Variants in ZFR observed in about 807,000 individuals in gnomAD.
The protein encoded by ZFR is zinc finger RNA-binding protein.
In ZFR, 19 loss-of-function variants were observed where a neutral mutation model predicts 130.7. The ratio of observed to expected loss-of-function variants is 0.15; its 90% CI spans 0.10 to 0.21. ZFR has a LOEUF of 0.21. Among genes scored for constraint, ZFR ranks in the 10% least tolerant of loss-of-function variants. ZFR has a pLI of 1.00. For synonymous variants in ZFR, 466 were observed against 456.9 expected (o/e 1.02, Z -0.25); for missense variants, 872 against 1,321.5 (o/e 0.66, Z 5.27).
In ZFR at chr5:32,361,567, A is replaced by G. The variant is rs1449396607; in HGVS notation, c.3045+2381T>C. Among the ~76,000 whole-genome samples the G allele has an allele frequency of 5.3e-5, 8 of 152,020 alleles. No individual in the cohort carries two copies. The East Asian group carries it at 1.5e-3, about 29-fold the overall frequency. On this transcript the variant is annotated intron_variant, in intron 19 of 19. Transcript: ENST00000265069. ...AAAGATATCTCATATATAATAATGA[A>G]TATTTATACATTTTTACCACAGAGA...
rs1262040358 is a variant in ZFR at position 32,388,597 on chromosome 5, C to T, written c.2220G>A (p.Glu740=). 6.2e-7 allele frequency: 1 copy of T among 1,613,888 alleles called. No homozygotes were observed. Among genetic ancestry groups the T allele is most frequent in the Non-Finnish European group, 8.5e-7 (1 of 1,179,946 alleles). The change falls in exon 13 of 20, where the codon GAG becomes GAA. Residue 740 remains glutamate (E), a synonymous_variant. Coordinates refer to ENST00000265069, the MANE Select transcript of ZFR (RefSeq NM_016107.5). Reference sequence around the variant, plus strand: ...AAACAATTTTCTGAACTGCCTGTAACTCCTCTTCAGTTGGATAAATGGTGG... The same window carrying T: ...AAACAATTTTCTGAACTGCCTGTAATTCCTCTTCAGTTGGATAAATGGTGG... ...KHATIYPTEE[E]LQAVQKIVSI...
intron 4 of ZFR, among the ~76,000 whole-genome samples, chr5:32,415,705 G>A (rs1390570282): frequency 1.3e-5 from 2 of 151,992 alleles, no homozygotes; most frequent in African/African-American, 4.8e-5. Flanking sequence ...AATCTAACAA[G>A]GTACTACATA....
chr5:32,369,110 G>A (rs1430480814), intron 17 of ZFR, among the ~76,000 whole-genome samples: 1 of 152,166 alleles, frequency 6.6e-6, no homozygotes, highest in Non-Finnish European at 1.5e-5. Context: ...TTTACTTACA[G>A]CTTTTAGTGA....
intron 12 of ZFR, among the ~76,000 whole-genome samples, chr5:32,389,465 T>G (rs1450702131): frequency 6.6e-6 from 1 of 152,208 alleles, no homozygotes; most frequent in Non-Finnish European, 1.5e-5. Flanking sequence ...ATTATAGGCA[T>G]GAGCCACTGC....
In ZFR at chr5:32,390,331, G is replaced by A; in HGVS notation, c.2086C>T (p.Pro696Ser). Reference protein sequence around the residue: ...DGGYPHGPPGPLGLLGVRPGM... With the variant: ...DGGYPHGPPGSLGLLGVRPGM... ...GGTCGGACTCCCAGAAGGCCTAATG[G>A]GCCTGGAGGACCATGAGGATAACCT... Residue 696 changes from proline to serine, a missense_variant, in exon 12 of 20, where the codon CCA becomes TCA. Transcript: ENST00000265069. The A allele has an allele frequency of 1.2e-6, 2 of 1,614,134 alleles. No individual in the cohort carries two copies. The highest frequency in any genetic ancestry group is 2.2e-5 in the East Asian group (1 of 44,876).
At chr5:32,440,241 G>A (rs1754438097) in intron 2 of ZFR, among the ~76,000 whole-genome samples, 1 of 152,142 alleles carries the variant, frequency 6.6e-6, no homozygotes, top group Non-Finnish European at 1.5e-5. Flanking sequence ...TTTTCACCAT[G>A]TCTGAAATCT....
chr5:32,430,945 C>A (rs940412560), intron 2 of ZFR, among the ~76,000 whole-genome samples: 1 of 151,942 alleles, frequency 6.6e-6, no homozygotes, highest in South Asian at 2.1e-4. Flanking sequence ...GGCATGGTGG[C>A]GTGCCTGTAA....
chr5:32,366,996 A>G (rs1166721047), intron 17 of ZFR, among the ~76,000 whole-genome samples: 4 of 152,034 alleles, frequency 2.6e-5, no homozygotes, highest in Non-Finnish European at 5.9e-5. Flanking sequence ...CCTGGGCTCA[A>G]GTAATCATAC....
intron 17 of ZFR, among the ~76,000 whole-genome samples, chr5:32,377,301 C>T (rs951873661): frequency 2.1e-4 from 32 of 151,154 alleles, no homozygotes; most frequent in African/African-American, 6.8e-4. Flanking sequence ...GGCGTGATCT[C>T]GGCTCACTGC....
intron 9 of ZFR, among the ~76,000 whole-genome samples, chr5:32,397,740 C>A (rs1753349452): frequency 6.6e-6 from 1 of 151,888 alleles, no homozygotes; most frequent in Non-Finnish European, 1.5e-5. Context: ...CAGGCATGAG[C>A]CACTGCGCCT....
intron 5 of ZFR, among the ~76,000 whole-genome samples, chr5:32,412,883 T>G (rs928121888): frequency 6.6e-6 from 1 of 152,204 alleles, no homozygotes; most frequent in Non-Finnish European, 1.5e-5. Flanking sequence ...TCCACTTTTC[T>G]GGAGAATTAA....
Position 32,372,074 on chromosome 5 carries a change from G to T in ZFR, c.2835+7041C>A, listed in dbSNP as rs147501577. Among the ~76,000 whole-genome samples, 298 of 152,326 alleles carry T rather than the reference G, an allele frequency of 2.0e-3. 1 individual carries two copies. The highest frequency in any genetic ancestry group is 7.0e-3 in the African/African-American group (291 of 41,560). ...GGTGGCAATAAAATCCATCACATTT[G>T]GAGTGCCATAGTATATTTGATGAAG... On this transcript the variant is annotated intron_variant, in intron 17 of 19. Coordinates refer to ENST00000265069, the MANE Select transcript of ZFR (RefSeq NM_016107.5).
At chr5:32,369,484 T>TCAAAACAAAA (rs1752613506) in intron 17 of ZFR, among the ~76,000 whole-genome samples, 1 of 122,398 alleles carries the variant, frequency 8.2e-6, no homozygotes, top group Admixed American at 7.7e-5. Flanking sequence ...ATATCATTCT[T>TCAAAACAAAA]TAAAACAAAA....
chr5:32,420,378 T>C (rs563867072), intron 2 of ZFR, among the ~76,000 whole-genome samples: 44 of 152,052 alleles, frequency 2.9e-4, no homozygotes, highest in African/African-American at 1.0e-3. Context: ...TTGTATCACA[T>C]AACAGGAATT....
intron 2 of ZFR, among the ~76,000 whole-genome samples, chr5:32,420,704 GAT>G (rs1179701132): frequency 6.6e-6 from 1 of 152,210 alleles, no homozygotes; most frequent in African/African-American, 2.4e-5. Context: ...AGGAGGTGGT[GAT>G]ATGTGAGCTA....
rs1753917534 is a variant in ZFR at position 32,420,091 on chromosome 5, A to G, written c.150T>C (p.Ala50=). Residue 50 remains alanine (A), a synonymous_variant, in exon 3 of 20, where the codon GCT becomes GCC. Coordinates refer to ENST00000265069, the MANE Select transcript of ZFR (RefSeq NM_016107.5). ...TTGGATGAGAATAGGCTACACCCGA[A>G]GCTGGCTGCTGGCTACATTGTGGAG... ...AAAAQYSQQP[A]SGVAYSHPTT... is the part of the protein sequence containing the mutation. 1.3e-6 allele frequency: 2 copies of G among 1,577,872 alleles called. No individual in the cohort carries two copies. The highest frequency in any genetic ancestry group is 1.7e-6 in the Non-Finnish European group (2 of 1,156,474).
At chr5:32,393,422 C>A (rs1412182005) in intron 11 of ZFR, among the ~76,000 whole-genome samples, 1 of 151,708 alleles carries the variant, frequency 6.6e-6, no homozygotes, top group Non-Finnish European at 1.5e-5. Flanking sequence ...CGCCTCACCG[C>A]AACCTCCTCT....
At chr5:32,389,337 A>G (rs192078595) in intron 12 of ZFR, among the ~76,000 whole-genome samples, 1 of 152,310 alleles carries the variant, frequency 6.6e-6, no homozygotes, top group East Asian at 1.9e-4. Flanking sequence ...ATAAGAATAA[A>G]TTTCTTTCTA....
Position 32,388,506 on chromosome 5 carries a change from T to C in ZFR, c.2311A>G (p.Lys771Glu). The change falls in exon 13 of 20, where the codon AAA becomes GAA. Residue 771 changes from lysine (K) to glutamate (E), a missense_variant. Physicochemically the swap from Lys to Glu is moderately conservative, Grantham distance 56 (BLOSUM62 1). Coordinates refer to ENST00000265069, the MANE Select transcript of ZFR (RefSeq NM_016107.5). ...SLSEHEKNKN[K>E]EGDDKKEGGK... ...CCCTCTTTCTTATCATCTCCCTCTT[T>C]GTTCTTGTTCTTCTCATGTTCAGAC... is the stretch of plus-strand genomic sequence containing the variant. The C allele has an allele frequency of 6.2e-7, 1 of 1,614,040 alleles. No homozygotes were observed.
Sources: gnomAD v4.1 joint callset for allele counts (sites outside exome capture counted in the v4.1 genomes callset) on GRCh38, gnomAD v4.1.1 for gene constraint, MANE v1.5 for transcripts, NCBI Gene and HGNC (gene_info 2026-07-23, HGNC 2026-07-21) for gene names.